IAH1: variants seen among roughly 807,000 people sequenced by gnomAD.
IAH1 encodes isoamyl acetate hydrolyzing esterase 1 (putative), also known as isoamyl acetate-hydrolyzing esterase 1 homolog.
In IAH1, 24 loss-of-function variants were observed where a neutral mutation model predicts 26.7. The ratio of observed to expected loss-of-function variants is 0.90; its 90% confidence interval spans 0.65 to 1.26. IAH1 has a LOEUF of 1.26. Ranked by LOEUF, IAH1 falls within the 50% of genes most tolerant of loss-of-function variation. The pLI, the probability that IAH1 is intolerant of heterozygous loss-of-function variation, is 0.00. For synonymous variants in IAH1, 140 were observed against 118.5 expected (o/e 1.18, Z -1.18); for missense variants, 300 against 299.9 (o/e 1.00, Z 0.00).
At chr2:9,475,964 A>G (rs779022097) in intron 1 of IAH1, 23 bp from the exon 2 acceptor site, 4 of 1,610,010 alleles carry the variant, frequency 2.5e-6, no homozygotes, top group East Asian at 2.2e-5. Context: ...ATTAGTAGTA[A>G]TAATGGGCTT....
At chr2:9,497,672 C>A (rs1662713043), downstream of IAH1, among the ~76,000 whole-genome samples, 1 of 152,208 alleles carries the variant, frequency 6.6e-6, no homozygotes, top group Non-Finnish European at 1.5e-5. Flanking sequence ...AACCTCCATT[C>A]AGTTCCTTCA....
chr2:9,509,896 G>A, the IAH1 span: 5 of 1,525,928 alleles, frequency 3.3e-6, no homozygotes, highest in Non-Finnish European at 4.4e-6. Flanking sequence ...GCCTAGGAAT[G>A]GAATACGTTT....
the IAH1 span, chr2:9,510,202 A>G: frequency 6.5e-7 from 1 of 1,529,228 alleles, no homozygotes; most frequent in East Asian, 2.2e-5. Context: ...AGTTGGGCCT[A>G]TGCTGTCTTA....
upstream of IAH1, among the ~76,000 whole-genome samples, chr2:9,474,080 G>A (rs1020995581): frequency 1.3e-5 from 2 of 152,138 alleles, no homozygotes; most frequent in South Asian, 2.1e-4. This position sits in a 1 kb window ranked among gnomAD's most constrained non-coding sequence, Gnocchi z 4.3. Flanking sequence ...GAACCACGAG[G>A]TACTGCCAGG....
At chr2:9,497,936 GC>G (rs1662729530), downstream of IAH1, among the ~76,000 whole-genome samples, 1 of 152,064 alleles carries the variant, frequency 6.6e-6, no homozygotes, top group Non-Finnish European at 1.5e-5. Flanking sequence ...AGACTGGAAA[GC>G]CCCATGACAG....
rs879055146 is a variant in IAH1 at position 9,480,976 on chromosome 2, G to A, written c.284-310G>A. ...CAAAGCCAGGATTTGAACCTAGGCC[G>A]TCTCACCCAACAGGGTGGGCTCTTT... On this transcript the variant is annotated intron_variant, in intron 3 of 5. Coordinates refer to ENST00000497473, the MANE Select transcript of IAH1 (RefSeq NM_001039613.3). 4.6e-5 allele frequency: 10 copies of A among 219,512 alleles called. No individual in the cohort carries two copies. In the South Asian group the frequency reaches 8.0e-4, roughly 18 times the overall value. 13.6% of individuals were successfully genotyped at this position (219,512 alleles called of 1,614,324 possible). A position where few individuals can be genotyped will look rare whatever the true frequency, so the allele number is the denominator to read the frequency against.
downstream of IAH1, chr2:9,491,119 CAG>C (rs767985722): frequency 2.3e-5 from 37 of 1,613,086 alleles, no homozygotes; most frequent in Non-Finnish European, 1.1e-5. Flanking sequence ...GAAACAGAGA[CAG>C]AGATTCATAC....
At position 9,488,200 on chromosome 2, in the gene IAH1, A is replaced by C; in HGVS notation, c.618A>C (p.Glu206Asp). ...DGLHLSPKGNEFLFSHLWPLI... is the reference protein window; with the variant it reads ...DGLHLSPKGNDFLFSHLWPLI... Reference sequence around the variant, plus strand: ...TACATTTGTCTCCAAAGGGGAATGAATTTTTGTTCTCGCATCTCTGGCCTT... The same window carrying C: ...TACATTTGTCTCCAAAGGGGAATGACTTTTTGTTCTCGCATCTCTGGCCTT... Residue 206 changes from glutamate to aspartate, a missense_variant, in exon 6 of 6, where the codon GAA becomes GAC. Coordinates refer to ENST00000497473, the MANE Select transcript of IAH1 (RefSeq NM_001039613.3). The C allele has an allele frequency of 6.2e-7, 1 of 1,613,300 alleles. No individual in the cohort carries two copies. The highest frequency in any genetic ancestry group is 8.5e-7 in the Non-Finnish European group (1 of 1,179,750).
rs1216717008 is a variant in IAH1, at chr2:9,481,370, T to A, written c.368T>A (p.Ile123Asn). 3 of 1,614,066 alleles carry A rather than the reference T, an allele frequency of 1.9e-6. No homozygotes were observed. Among genetic ancestry groups the A allele is most frequent in the East Asian group, 2.2e-5 (1 of 44,886 alleles). ...GTGCAGTACCTGAAGTCCGTGGACA[T>A]CCCTGAGAATCGAGTCATTCTCATC... The part of the protein sequence containing the change: ...SMVQYLKSVD[I>N]PENRVILITP... The change falls in exon 4 of 6, where the codon ATC becomes AAC. Residue 123 changes from isoleucine to asparagine, a missense_variant. By Grantham distance (149) the Ile-to-Asn change is moderately radical. Coordinates refer to ENST00000497473, the MANE Select transcript of IAH1 (RefSeq NM_001039613.3).
At chr2:9,496,153 G>C (rs980906515) in intron 6 of IAH1, among the ~76,000 whole-genome samples, 1 of 151,582 alleles carries the variant, frequency 6.6e-6, no homozygotes, top group Non-Finnish European at 1.5e-5. Flanking sequence ...ATTTGAAATG[G>C]AGTCTCGCTC....
chr2:9,509,706 A>G, the IAH1 span, among the ~76,000 whole-genome samples: 19 of 152,090 alleles, frequency 1.2e-4, no homozygotes, highest in Non-Finnish European at 2.1e-4. Context: ...GAAATCCAGA[A>G]CTCCAAAAAA....
chr2:9,480,430 T>A (rs1356387287), intron 3 of IAH1, among the ~76,000 whole-genome samples: 5 of 152,032 alleles, frequency 3.3e-5, no homozygotes, highest in African/African-American at 9.7e-5. Flanking sequence ...GCCCCAGGAG[T>A]TCAAGGTTAC....
the IAH1 span, among the ~76,000 whole-genome samples, chr2:9,506,442 T>C: frequency 2.0e-5 from 3 of 150,270 alleles, no homozygotes; most frequent in African/African-American, 7.4e-5. Context: ...TCTTGGCTTA[T>C]TGTAACCTCC....
At chr2:9,476,169 A>G in intron 2 of IAH1, 130 bp downstream of exon 2, 1 of 706,630 alleles carries the variant, frequency 1.4e-6, no homozygotes, top group Non-Finnish European at 2.4e-6. Context: ...CCTAATCAGT[A>G]TATAGGAGAA....
intron 2 of IAH1, among the ~76,000 whole-genome samples, chr2:9,477,170 T>A (rs1660855381): frequency 6.6e-6 from 1 of 152,224 alleles, no homozygotes; most frequent in African/African-American, 2.4e-5. Context: ...CTGCAGTTTA[T>A]AAATGCCACC....
intron 5 of IAH1, chr2:9,486,725 AG>A (rs1181294468): frequency 1.3e-5 from 2 of 151,908 alleles, no homozygotes; most frequent in African/African-American, 4.8e-5. Context: ...GCTACTTGGG[AG>A]GCTGAGGCAG....
chr2:9,497,540 G>A (rs1280159991), downstream of IAH1, among the ~76,000 whole-genome samples: 1 of 152,162 alleles, frequency 6.6e-6, no homozygotes, highest in African/African-American at 2.4e-5. Flanking sequence ...TATCCTATGT[G>A]CTATTACTTA....
At chr2:9,505,886 A>G in the IAH1 span, among the ~76,000 whole-genome samples, 1 of 152,224 alleles carries the variant, frequency 6.6e-6, no homozygotes, top group Non-Finnish European at 1.5e-5. Flanking sequence ...ATTTGAGCTT[A>G]GTAATAGGCA....
At position 9,488,245 on chromosome 2, in the gene IAH1, T is replaced by G. The variant is rs1223082655; in HGVS notation, c.663T>G (p.Ser221=). ...GGCCTTTGATAGAGAAAAAGGTCTCTTCTCTACCTTTGCTGCTTCCTTACT... is the reference window on the plus strand; with the variant it reads ...GGCCTTTGATAGAGAAAAAGGTCTCGTCTCTACCTTTGCTGCTTCCTTACT... ...HLWPLIEKKV[S]SLPLLLPYWR... is the part of the protein sequence containing the mutation. The change falls in exon 6 of 6, where the codon TCT becomes TCG. Residue 221 remains serine (S), a synonymous_variant. Coordinates refer to ENST00000497473, the MANE Select transcript of IAH1 (RefSeq NM_001039613.3). 1 of 1,613,868 alleles carries G rather than the reference T, an allele frequency of 6.2e-7. No individual in the cohort carries two copies. The highest frequency in any genetic ancestry group is 1.1e-5 in the South Asian group (1 of 91,032).
Sources: allele counts gnomAD v4.1 joint callset (sites outside exome capture counted in the v4.1 genomes callset), GRCh38; gene constraint gnomAD v4.1.1; non-coding constraint Gnocchi (gnomAD v3.1); transcripts MANE v1.5; gene names NCBI Gene and HGNC (gene_info 2026-07-23, HGNC 2026-07-21).